The following ANKS1B variants were observed in gnomAD, a reference collection of about 807,000 sequenced individuals.
ANKS1B encodes the protein ankyrin repeat and sterile alpha motif domain containing 1B.
Under a neutral mutation model 148.3 loss-of-function variants are expected in ANKS1B, and 36 were observed. The ratio of observed to expected loss-of-function variants is 0.24; its 90% CI spans 0.19 to 0.32. The LOEUF (loss-of-function observed/expected upper bound fraction) is 0.32, where lower values mean the gene tolerates loss of function less well. Among genes scored for constraint, ANKS1B ranks in the 10% least tolerant of loss-of-function variants. The pLI is 1.00. For missense variants in ANKS1B, 1,157 were observed against 1,542.6 expected (o/e 0.75, Z 4.19); for synonymous variants, 542 against 560.8 (o/e 0.97, Z 0.47).
intron 17 of ANKS1B, among the ~76,000 whole-genome samples, chr12:99,028,394 A>C (rs559606328): frequency 1.3e-5 from 2 of 152,212 alleles, no homozygotes; most frequent in African/African-American, 4.8e-5. Context: ...GTATGGGGAG[A>C]CATTGTAACA....
intron 25 of ANKS1B, among the ~76,000 whole-genome samples, chr12:98,768,014 C>T (rs1396534557): frequency 6.6e-6 from 1 of 152,186 alleles, no homozygotes; most frequent in African/African-American, 2.4e-5. Flanking sequence ...CTCCTAGTCT[C>T]ATAACACATC....
intron 9 of ANKS1B, among the ~76,000 whole-genome samples, chr12:99,641,627 A>G (rs903889163): frequency 1.3e-5 from 2 of 152,178 alleles, no homozygotes; most frequent in African/African-American, 2.4e-5. Context: ...CATTTTTTCA[A>G]TTTGGACAAT....
intron 12 of ANKS1B, among the ~76,000 whole-genome samples, chr12:99,377,579 T>C (rs2093443575): frequency 6.6e-6 from 1 of 152,230 alleles, no homozygotes; most frequent in East Asian, 1.9e-4. Context: ...TCATAATAAA[T>C]CTTTTAAGCT....
At chr12:99,715,251 G>C (rs945525289) in intron 8 of ANKS1B, among the ~76,000 whole-genome samples, 1 of 152,144 alleles carries the variant, frequency 6.6e-6, no homozygotes, top group African/African-American at 2.4e-5. Flanking sequence ...CAGATGGCCA[G>C]TTCCTGCCTT....
chr12:99,549,992 G>A (rs926631775), intron 9 of ANKS1B, among the ~76,000 whole-genome samples: 3 of 152,200 alleles, frequency 2.0e-5, no homozygotes, highest in Admixed American at 2.0e-4. Context: ...GCATGCAAAT[G>A]GCAGCGGGCT....
intron 9 of ANKS1B, among the ~76,000 whole-genome samples, chr12:99,654,150 T>C (rs1376894609): frequency 1.3e-5 from 2 of 152,210 alleles, no homozygotes; most frequent in African/African-American, 4.8e-5. Flanking sequence ...TTGAATATCC[T>C]ACTTAGCTTT....
rs2054997012 is a variant in ANKS1B, at chr12:99,702,499, T to C, written c.1129-47289A>G. On this transcript the variant is annotated intron_variant, in intron 8 of 26. Coordinates refer to ENST00000683438, the MANE Select transcript of ANKS1B (RefSeq NM_001352186.2). ...TCTCCCATTCTGTGGGTCATCTATT[T>C]ACTTTGTTGATTGCTTACTTTCCTA... Among the ~76,000 whole-genome samples the C allele has an allele frequency of 2.6e-5, 4 of 152,244 alleles. No homozygotes were observed. The South Asian group carries it at 8.3e-4, about 32-fold the overall frequency.
intron 9 of ANKS1B, chr12:99,647,982 C>A: frequency 1.4e-6 from 1 of 704,598 alleles, no homozygotes; most frequent in Non-Finnish European, 2.3e-6. Context: ...GACTGACTGT[C>A]TCTGGCATTG....
At chr12:99,237,903 C>G (rs1341968024) in intron 14 of ANKS1B, among the ~76,000 whole-genome samples, 1 of 152,210 alleles carries the variant, frequency 6.6e-6, no homozygotes, top group South Asian at 2.1e-4. Context: ...AGGCACATGC[C>G]TAGCACATAG....
At chr12:99,681,723 T>C (rs946882227) in intron 8 of ANKS1B, among the ~76,000 whole-genome samples, 3 of 152,174 alleles carry the variant, frequency 2.0e-5, no homozygotes, top group Non-Finnish European at 4.4e-5. Flanking sequence ...CTCTGACATA[T>C]TCTACCCAAA....
chr12:99,395,389 CAA>C (rs2094211413), intron 12 of ANKS1B, among the ~76,000 whole-genome samples: 1 of 152,154 alleles, frequency 6.6e-6, no homozygotes, highest in Non-Finnish European at 1.5e-5. Flanking sequence ...TTCTTACCTA[CAA>C]ATATTCTACA....
intron 15 of ANKS1B, among the ~76,000 whole-genome samples, chr12:99,087,516 A>G (rs903698911): frequency 1.2e-4 from 18 of 152,370 alleles, no homozygotes; most frequent in African/African-American, 3.8e-4. Flanking sequence ...GAAATTACTC[A>G]GTGCACACAA....
chr12:99,235,890 T>C (rs2638563), intron 14 of ANKS1B, among the ~76,000 whole-genome samples: 71,557 of 151,960 alleles, frequency 0.47, 19,017 homozygotes, highest in African/African-American at 0.74. Flanking sequence ...TAGACCTGCA[T>C]ATTCTTTTTA....
chr12:99,771,615 G>A (rs1166366687), intron 8 of ANKS1B, among the ~76,000 whole-genome samples: 1 of 151,970 alleles, frequency 6.6e-6, no homozygotes, highest in African/African-American at 2.4e-5. Flanking sequence ...CAACATTAAA[G>A]TTACTATTAT....
At chr12:99,065,642 T>TCCATC (rs2043985736) in intron 16 of ANKS1B, among the ~76,000 whole-genome samples, 2 of 30,894 alleles carry the variant, frequency 6.5e-5, no homozygotes, top group Non-Finnish European at 1.8e-4. Context: ...ATCCATCCCA[T>TCCATC]CCATCCATCC....
chr12:99,931,403 A>G (rs564662124), intron 1 of ANKS1B, among the ~76,000 whole-genome samples: 1 of 152,174 alleles, frequency 6.6e-6, no homozygotes, highest in African/African-American at 2.4e-5. Context: ...AAGGGTACAC[A>G]TGCTGATAGT....
At chr12:99,899,801 T>C (rs1457374440) in intron 1 of ANKS1B, among the ~76,000 whole-genome samples, 3 of 152,190 alleles carry the variant, frequency 2.0e-5, no homozygotes, top group South Asian at 4.1e-4. Context: ...ATTTATAATC[T>C]ACCCTCAGGG....
rs1598794615 is a variant in ANKS1B, at chr12:99,647,933, A to C, written c.1272+7134T>G. 6 of 526,112 alleles carry C rather than the reference A, an allele frequency of 1.1e-5. No homozygotes were observed. The East Asian group carries it at 1.2e-4, about 11-fold the overall frequency. 32.6% of individuals were successfully genotyped at this position (526,112 alleles called of 1,614,324 possible). ...GGGCCCCAACACCTGTGCTCCTGAC[A>C]GCTCCATGCACTAAGCAGGGCACAG... On this transcript the variant is annotated intron_variant, in intron 9 of 26. Transcript: ENST00000683438.
intron 11 of ANKS1B, among the ~76,000 whole-genome samples, chr12:99,419,005 A>G (rs75362959): frequency 2.0e-5 from 3 of 149,694 alleles, no homozygotes; most frequent in Non-Finnish European, 4.5e-5. Context: ...ATATAATTTT[A>G]AAAATACATT....
Sources: allele counts gnomAD v4.1 joint callset (sites outside exome capture counted in the v4.1 genomes callset), GRCh38; gene constraint gnomAD v4.1.1; transcripts MANE v1.5; gene names NCBI Gene and HGNC (gene_info 2026-07-23, HGNC 2026-07-21).